HDGFL2: variants seen among roughly 807,000 people sequenced by gnomAD.
HDGFL2 encodes HDGF like 2, also known as hepatoma-derived growth factor-related protein 2.
Under a neutral mutation model 77.1 loss-of-function variants are expected in HDGFL2, and 36 were observed. The observed-to-expected ratio is 0.47, with a 90% CI of 0.36 to 0.62. The LOEUF (loss-of-function observed/expected upper bound fraction) is 0.62, where lower values mean the gene tolerates loss of function less well. Ranked by LOEUF, HDGFL2 falls within the 20% of genes least tolerant of loss-of-function variation. HDGFL2 has a pLI of 0.00. For missense variants in HDGFL2, 976 were observed against 973.4 expected, an observed-to-expected ratio of 1.00 and a Z score of -0.04; for synonymous variants, 463 against 413.1, an observed-to-expected ratio of 1.12 and a Z score of -1.46.
chr19:4,475,063 C>T, intron 1 of HDGFL2: 1 of 575,020 alleles, frequency 1.7e-6, no homozygotes, highest in Non-Finnish European at 3.1e-6. Context: ...AGCTCCGTCC[C>T]TGGGGTAGGG....
At chr19:4,475,057 C>G (rs541287112) in intron 1 of HDGFL2, 14 of 567,652 alleles carry the variant, frequency 2.5e-5, no homozygotes, top group African/African-American at 2.4e-4. Context: ...GGGGCCAGCT[C>G]CGTCCCTGGG....
chr19:4,479,468 C>G (rs1975157205), intron 3 of HDGFL2, among the ~76,000 whole-genome samples: 1 of 151,654 alleles, frequency 6.6e-6, no homozygotes, highest in South Asian at 2.1e-4. Flanking sequence ...GTAGTCCCAG[C>G]TACTCTGGAG....
intron 3 of HDGFL2, among the ~76,000 whole-genome samples, chr19:4,484,582 C>T (rs544166249): frequency 6.6e-6 from 1 of 151,850 alleles, no homozygotes; most frequent in African/African-American, 2.4e-5. Flanking sequence ...TCACTGCAAG[C>T]TCCACCTCCC....
At chr19:4,482,410 A>G (rs1599705018) in intron 3 of HDGFL2, among the ~76,000 whole-genome samples, 2 of 152,092 alleles carry the variant, frequency 1.3e-5, no homozygotes, top group South Asian at 2.1e-4. Flanking sequence ...GGGTTTCACC[A>G]TATTGGCCAG....
chr19:4,496,935 G>A (rs867944669), intron 10 of HDGFL2: 31 of 399,894 alleles, frequency 7.8e-5, no homozygotes, highest in African/African-American at 6.2e-4. Context: ...GTGCAATGGC[G>A]TGATCTCAGC....
chr19:4,486,065 A>T (rs1449166437), intron 3 of HDGFL2, among the ~76,000 whole-genome samples: 1 of 150,874 alleles, frequency 6.6e-6, no homozygotes, highest in Non-Finnish European at 1.5e-5. Flanking sequence ...AAAAAAAAAA[A>T]AAAAAACAAC....
chr19:4,491,249 ACCCACCCCCCCACCCCCCCACCCC>A (rs1201078150), intron 4 of HDGFL2, among the ~76,000 whole-genome samples: 2 of 39,474 alleles, frequency 5.1e-5, no homozygotes, highest in African/African-American at 1.0e-4. Context: ...CACTCCCACC[ACCCACCCCCCCACCCCCCCACCCC>A]CCCACCCCCC....
chr19:4,499,438 G>C, intron 13 of HDGFL2, 53 bp from the exon 14 acceptor site: 2 of 1,554,062 alleles, frequency 1.3e-6, no homozygotes, highest in East Asian at 2.3e-5. Context: ...GTTCAGAGCC[G>C]GGGCTAGGGC....
rs375365209 is a variant in HDGFL2 at position 4,488,738 on chromosome 19, C to T, written c.351C>T (p.Asp117=). The change falls in exon 4 of 16, where the codon GAC becomes GAT. Residue 117 remains aspartate, a synonymous_variant. Transcript: ENST00000616600. ...ACCCCGCCGACGGCAGTGACGCTGA[C>T]GAGGACGATGAGGACCGGGGGGTCA... is the stretch of plus-strand genomic sequence containing the variant. ...EANPADGSDA[D]EDDEDRGVMA... The T allele has an allele frequency of 1.1e-5, 17 of 1,553,838 alleles. No individual in the cohort carries two copies. Among genetic ancestry groups the T allele is most frequent in the Middle Eastern group, 1.7e-4 (1 of 5,994 alleles).
At chr19:4,482,819 T>C (rs770700989) in intron 3 of HDGFL2, among the ~76,000 whole-genome samples, 22 of 152,198 alleles carry the variant, frequency 1.4e-4, no homozygotes, top group Non-Finnish European at 3.1e-4. Flanking sequence ...ACATGGGGCA[T>C]TGATAAGTCC....
intron 9 of HDGFL2, 149 bp downstream of exon 9, chr19:4,494,624 C>T: frequency 1.8e-6 from 1 of 564,068 alleles, no homozygotes; most frequent in East Asian, 3.5e-5. Flanking sequence ...AGGGGACATT[C>T]ATGGGAGGGA....
intron 4 of HDGFL2, among the ~76,000 whole-genome samples, chr19:4,491,306 C>A (rs998834147): frequency 1.4e-5 from 2 of 142,326 alleles, no homozygotes; most frequent in South Asian, 4.8e-4. Flanking sequence ...TGGTGCCCCT[C>A]ATCCTACTTT....
At chr19:4,500,187 C>T (rs543530400) in intron 14 of HDGFL2, among the ~76,000 whole-genome samples, 1 of 152,334 alleles carries the variant, frequency 6.6e-6, no homozygotes, top group South Asian at 2.1e-4. Flanking sequence ...GACATGGCCC[C>T]ATTACAGGTG....
In HDGFL2 at chr19:4,488,863, C is replaced by T. The variant is rs371752768; in HGVS notation, c.476C>T (p.Thr159Met). 7.0e-5 allele frequency: 108 copies of T among 1,551,272 alleles called. No individual in the cohort carries two copies. The African/African-American group carries it at 7.3e-4, about 10-fold the overall frequency. ...SSDNSGLKRK[T>M]PALKMSVSKR... The stretch of plus-strand genomic sequence containing the variant: ...GACAACAGTGGCCTGAAGAGGAAGA[C>T]GCCTGCGCTAAAGGTAGGGGAGGAC... The change falls in exon 4 of 16, where the codon ACG (threonine) becomes ATG (methionine). Residue 159 changes from threonine to methionine, a missense_variant. By Grantham distance (81) the Thr-to-Met change is moderately conservative (BLOSUM62 -1). Transcript: ENST00000616600.
chr19:4,495,262 C>T (rs1975670873), intron 9 of HDGFL2, among the ~76,000 whole-genome samples: 1 of 150,296 alleles, frequency 6.7e-6, no homozygotes, highest in African/African-American at 2.5e-5. Context: ...GTGGCAGGTG[C>T]CTGTAGTCCC....
intron 3 of HDGFL2, among the ~76,000 whole-genome samples, chr19:4,480,548 A>G (rs1015796645): frequency 6.6e-6 from 1 of 152,186 alleles, no homozygotes; most frequent in Admixed American, 6.5e-5. Context: ...GTGAAACCCC[A>G]TCTCTACTAA....
intron 3 of HDGFL2, among the ~76,000 whole-genome samples, chr19:4,487,511 C>T: frequency 6.6e-6 from 1 of 152,202 alleles, no homozygotes; most frequent in Middle Eastern, 3.2e-3. Context: ...TCTGCCTTGG[C>T]CTCGCAAAGT....
chr19:4,494,123 T>A, intron 8 of HDGFL2, 43 bp from the exon 9 acceptor site: 1 of 1,502,818 alleles, frequency 6.7e-7, no homozygotes, highest in Non-Finnish European at 8.9e-7. Context: ...GGCGGGCTCC[T>A]GAGGGAGGAA....
intron 3 of HDGFL2, among the ~76,000 whole-genome samples, chr19:4,484,666 A>T (rs868417839): frequency 6.7e-5 from 5 of 74,118 alleles, no homozygotes; most frequent in South Asian, 1.1e-3. Flanking sequence ...CGCCTGGCTA[A>T]TTTTTTTTTT....
Sources: allele counts gnomAD v4.1 joint callset (sites outside exome capture counted in the v4.1 genomes callset), GRCh38; gene constraint gnomAD v4.1.1; transcripts MANE v1.5; gene names NCBI Gene and HGNC (gene_info 2026-07-23, HGNC 2026-07-21).